The following OR6J1 variants were observed in gnomAD, a reference collection of about 807,000 sequenced individuals.
The protein encoded by OR6J1 is olfactory receptor 6J1.
For synonymous variants in OR6J1, 109 were observed against 70.0 expected (o/e 1.56, Z -2.78); for missense variants, 304 against 166.8 (o/e 1.82, Z -4.53).
rs1236691075 is a variant in OR6J1 at position 22,634,349 on chromosome 14, C to G, written c.463G>C (p.Val155Leu). 2 of 703,318 alleles carry G rather than the reference C, an allele frequency of 2.8e-6. No individual in the cohort carries two copies. Among genetic ancestry groups the G allele is most frequent in the Non-Finnish European group, 5.2e-6 (2 of 384,982 alleles). The allele number at this position is 703,318 out of a possible 1,614,324, so 43.6% of individuals were successfully genotyped here. Residue 155 changes from valine (V) to leucine (L), a missense_variant, in exon 2 of 2, where the codon GTG becomes CTG. Transcript: ENST00000540461. ...GAGATGAGGATGGTTGGAAAGAGCACAGACAGGAAGCCTCCCACCCAAGAG... is the reference window on the plus strand; with the variant it reads ...GAGATGAGGATGGTTGGAAAGAGCAGAGACAGGAAGCCTCCCACCCAAGAG... ...VFSWVGGFLS[V>L]LFPTILISQL... is the part of the protein sequence containing the mutation.
At chr14:22,637,935 C>G (rs1407074916) in intron 1 of OR6J1, among the ~76,000 whole-genome samples, 2 of 82,464 alleles carry the variant, frequency 2.4e-5, no homozygotes, top group Non-Finnish European at 4.6e-5. Flanking sequence ...CCGGCCGCCC[C>G]GTCCGGGAGG....
Position 22,632,055 on chromosome 14 carries a change from T to C in OR6J1, c.*1713A>G, listed in dbSNP as rs1373390629. The C allele has an allele frequency of 6.6e-6, 1 of 152,314 alleles. No individual in the cohort carries two copies. The highest frequency in any genetic ancestry group is 1.5e-5 in the Non-Finnish European group (1 of 68,106). The allele number at this position is 152,314 out of a possible 1,614,324, so 9.4% of individuals were successfully genotyped here. A position where few individuals can be genotyped will look rare whatever the true frequency, so the allele number is the denominator to read the frequency against. On this transcript the variant is annotated 3_prime_UTR_variant, in exon 2 of 2. Coordinates refer to ENST00000540461, the MANE Select transcript of OR6J1 (RefSeq NM_001348233.2). ...TGCAGCAGTTCCTTAGGTATGCATG[T>C]GTCCTTCTGACCAGTTCCACGCAGA... is the stretch of plus-strand genomic sequence containing the variant.
At chr14:22,641,879 T>C (rs1458186967) in intron 1 of OR6J1, among the ~76,000 whole-genome samples, 2 of 152,196 alleles carry the variant, frequency 1.3e-5, no homozygotes, top group Non-Finnish European at 2.9e-5. Flanking sequence ...GGAAAACTGA[T>C]AGATTCCAGG....
At chr14:22,637,722 G>A (rs1225912876) in intron 1 of OR6J1, among the ~76,000 whole-genome samples, 6 of 82,052 alleles carry the variant, frequency 7.3e-5, no homozygotes, top group East Asian at 3.0e-4. Context: ...CGCCCCGTCC[G>A]GGAGGGAGGT....
At position 22,631,556 on chromosome 14, in the gene OR6J1, C is replaced by T. The variant is rs1249376403; in HGVS notation, c.*2212G>A. 2.0e-5 allele frequency: 3 copies of T among 152,152 alleles called. No homozygotes were observed. The highest frequency in any genetic ancestry group is 4.4e-5 in the Non-Finnish European group (3 of 68,034). 9.4% of individuals were successfully genotyped at this position (152,152 alleles called of 1,614,324 possible). On this transcript the variant is annotated 3_prime_UTR_variant, in exon 2 of 2. Transcript: ENST00000540461. ...CAATTGCTGTTATCCTGTTCTTTTT[C>T]CAAGGTGCCCAGATTTCGTATTTGT...
intron 1 of OR6J1, among the ~76,000 whole-genome samples, chr14:22,638,997 C>T (rs1380359110): frequency 1.8e-5 from 2 of 113,992 alleles, no homozygotes; most frequent in African/African-American, 9.2e-5. Flanking sequence ...ATGTGAGGAG[C>T]GCCTCTGCCC....
chr14:22,637,974 A>G (rs1431163952), intron 1 of OR6J1, among the ~76,000 whole-genome samples: 1 of 88,354 alleles, frequency 1.1e-5, no homozygotes, highest in Non-Finnish European at 2.1e-5. Context: ...GGCCGCCCCT[A>G]CTGGGAAGTG....
chr14:22,630,979 C>T lies in OR6J1; in HGVS notation c.*2789G>A, dbSNP rs1272953417. On this transcript the variant is annotated 3_prime_UTR_variant, in exon 2 of 2. Coordinates refer to ENST00000540461, the MANE Select transcript of OR6J1 (RefSeq NM_001348233.2). ...GGAGACATCACATGTCACTAGGTTC[C>T]ATGATGCCCCCCAAGCCACAAAAAC... 2.6e-5 allele frequency: 4 copies of T among 152,086 alleles called. No individual in the cohort carries two copies. The highest frequency in any genetic ancestry group is 9.7e-5 in the African/African-American group (4 of 41,406). The allele number at this position is 152,086 out of a possible 1,614,324, so 9.4% of individuals were successfully genotyped here. A position where few individuals can be genotyped will look rare whatever the true frequency, so the allele number is the denominator to read the frequency against.
chr14:22,643,522 C>A (rs865908477), intron 1 of OR6J1, among the ~76,000 whole-genome samples: 3 of 152,014 alleles, frequency 2.0e-5, no homozygotes, highest in Middle Eastern at 3.4e-3. Flanking sequence ...GTCTCGAACT[C>A]CTGGGCTCAA....
Position 22,634,230 on chromosome 14 carries a change from G to T in OR6J1, c.582C>A (p.Ile194=), listed in dbSNP as rs561330591. ...AAGAAAGCATAAAATCCATCAGCTC[G>T]ATGGCAGTGGTGTCTGCACAGGCCA... ...LALACADTTA[I]ELMDFMLSSM... is the part of the protein sequence containing the mutation. The change falls in exon 2 of 2, where the codon ATC becomes ATA. Residue 194 remains isoleucine (I), a synonymous_variant. Coordinates refer to ENST00000540461, the MANE Select transcript of OR6J1 (RefSeq NM_001348233.2). 112 of 703,290 alleles carry T rather than the reference G, an allele frequency of 1.6e-4. No homozygotes were observed. The highest frequency in any genetic ancestry group is 2.5e-4 in the Non-Finnish European group (95 of 385,020). 43.6% of individuals were successfully genotyped at this position (703,290 alleles called of 1,614,324 possible). A position where few individuals can be genotyped will look rare whatever the true frequency, so the allele number is the denominator to read the frequency against.
At position 22,633,840 on chromosome 14, in the gene OR6J1, G is replaced by T; in HGVS notation, c.972C>A (p.Ser324=). 1.4e-6 allele frequency: 1 copy of T among 702,614 alleles called. No individual in the cohort carries two copies. Among genetic ancestry groups the T allele is most frequent in the Non-Finnish European group, 2.6e-6 (1 of 384,712 alleles). The allele number at this position is 702,614 out of a possible 1,614,324, so 43.5% of individuals were successfully genotyped here. A position where few individuals can be genotyped will look rare whatever the true frequency, so the allele number is the denominator to read the frequency against. The change falls in exon 2 of 2, where the codon TCC becomes TCA. Residue 324 remains serine (S), a synonymous_variant. Coordinates refer to ENST00000540461, the MANE Select transcript of OR6J1 (RefSeq NM_001348233.2). The part of the protein sequence containing the change: ...RMRAVLRSRL[S]SNKDHQGRAC... ...CCCTTCCTTGGTGGTCTTTGTTGGA[G>T]GATAATCTGCTTCTCAGCACTGCCC...
chr14:22,635,208 C>A (rs2037575512), intron 1 of OR6J1, among the ~76,000 whole-genome samples: 1 of 152,046 alleles, frequency 6.6e-6, no homozygotes, highest in South Asian at 2.1e-4. Context: ...AGAATATTCA[C>A]CACAGAATTT....
intron 1 of OR6J1, among the ~76,000 whole-genome samples, chr14:22,636,179 G>T (rs1012990732): frequency 6.6e-6 from 1 of 150,414 alleles, no homozygotes; most frequent in Admixed American, 6.7e-5. Flanking sequence ...ACAAAAAGAT[G>T]CTTGATCTCA....
rs1204669556 is a variant in OR6J1 at position 22,634,141 on chromosome 14, A to G, written c.671T>C (p.Ile224Thr). The change falls in exon 2 of 2, where the codon ATA becomes ACA. Residue 224 changes from isoleucine to threonine, a missense_variant. Ile to Thr is a moderately conservative substitution (Grantham distance 89). Transcript: ENST00000540461. ...AYSYTYIILT[I>T]VRIPSASGRK... ...TCCACTTGCAGAAGGAATGCGCACT[A>G]TGGTCAAGATGATGTACGTATAGGA... The G allele has an allele frequency of 7.1e-6, 5 of 703,282 alleles. No homozygotes were observed. The highest frequency in any genetic ancestry group is 1.3e-5 in the Non-Finnish European group (5 of 384,972). 43.6% of individuals were successfully genotyped at this position (703,282 alleles called of 1,614,324 possible).
intron 1 of OR6J1, among the ~76,000 whole-genome samples, chr14:22,639,059 C>T (rs2037620281): frequency 3.1e-5 from 3 of 97,248 alleles, no homozygotes; most frequent in Non-Finnish European, 6.0e-5. Context: ...GCCGCCCCGT[C>T]TGAGAAGTGA....
chr14:22,631,335 A>C lies in OR6J1; in HGVS notation c.*2433T>G, dbSNP rs2037544294. 6.6e-6 allele frequency: 1 copy of C among 152,230 alleles called. No individual in the cohort carries two copies. The highest frequency in any genetic ancestry group is 2.4e-5 in the African/African-American group (1 of 41,458). The allele number at this position is 152,230 out of a possible 1,614,324, so 9.4% of individuals were successfully genotyped here. A position where few individuals can be genotyped will look rare whatever the true frequency, so the allele number is the denominator to read the frequency against. On this transcript the variant is annotated 3_prime_UTR_variant, in exon 2 of 2. Coordinates refer to ENST00000540461, the MANE Select transcript of OR6J1 (RefSeq NM_001348233.2). ...ACCCCTACAGTCTACAGACCATAAA[A>C]GACGGGCACGCCCAGGGGGGCCGTC...
intron 1 of OR6J1, among the ~76,000 whole-genome samples, chr14:22,640,240 TGGAAGGAAGGAAGGAAGCAAGGAA>T (rs1382415635): frequency 1.8e-5 from 1 of 56,550 alleles, no homozygotes; most frequent in African/African-American, 7.4e-5. Flanking sequence ...GAAGGAAGGA[TGGAAGGAAGGAAGGAAGCAAGGAA>T]GGAAGGAAGG....
In OR6J1 at chr14:22,638,664, TAA is replaced by T. The variant is rs1224047754; in HGVS notation, c.-27-3828_-27-3827del. ...GAATGATCAATAAAAAAAATAAAAA[TAA>T]AAAAAAAATAAAAAAAATTAAGACA... is the stretch of plus-strand genomic sequence containing the variant. On this transcript the variant is annotated intron_variant, in intron 1 of 1. Transcript: ENST00000540461. 6.4e-5 allele frequency among the ~76,000 whole-genome samples: 2 copies of T among 31,008 alleles called. 1 individual carries two copies. The highest frequency in any genetic ancestry group is 6.4e-4 in the African/African-American group (2 of 3,108). 20.3% of individuals were successfully genotyped at this position (31,008 alleles called of 152,430 possible).
rs1047351240 is a variant in OR6J1, at chr14:22,631,237, C to G, written c.*2531G>C. Reference sequence around the variant, plus strand: ...AGGGTTTTGAGAGCAACCAGTCTGACCAAAATTTATTAGGTGGAAATTTCC... The same window carrying G: ...AGGGTTTTGAGAGCAACCAGTCTGAGCAAAATTTATTAGGTGGAAATTTCC... On this transcript the variant is annotated 3_prime_UTR_variant, in exon 2 of 2. Transcript: ENST00000540461. The G allele has an allele frequency of 1.3e-5, 2 of 152,100 alleles. No individual in the cohort carries two copies. Among genetic ancestry groups the G allele is most frequent in the Non-Finnish European group, 2.9e-5 (2 of 68,034 alleles). The allele number at this position is 152,100 out of a possible 1,614,324, so 9.4% of individuals were successfully genotyped here.
Sources: allele counts gnomAD v4.1 joint callset (sites outside exome capture counted in the v4.1 genomes callset), GRCh38; gene constraint gnomAD v4.1.1; transcripts MANE v1.5; gene names NCBI Gene and HGNC (gene_info 2026-07-23, HGNC 2026-07-21).